NEK6: variants seen among roughly 807,000 people sequenced by gnomAD.
NEK6 encodes the protein NIMA related kinase 6.
In NEK6, 27 loss-of-function variants were observed where a neutral mutation model predicts 43.5. That is an observed-to-expected ratio of 0.62 (90% CI 0.46 to 0.86). The LOEUF is 0.86. Ranked by LOEUF, NEK6 falls within the 40% of genes least tolerant of loss-of-function variation. NEK6 has a pLI of 0.00. For missense variants in NEK6, 318 were observed against 414.4 expected, an observed-to-expected ratio of 0.77 and a Z score of 2.02; for synonymous variants, 167 against 164.1, an observed-to-expected ratio of 1.02 and a Z score of -0.14.
chr9:124,296,986 A>C (rs1310085875), intron 1 of NEK6, among the ~76,000 whole-genome samples: 1 of 152,220 alleles, frequency 6.6e-6, no homozygotes, highest in Non-Finnish European at 1.5e-5. Flanking sequence ...GTCACAGCCC[A>C]CATTAGTGAG....
chr9:124,260,779 T>C (rs997332594), intron 1 of NEK6, among the ~76,000 whole-genome samples: 5 of 152,166 alleles, frequency 3.3e-5, no homozygotes, highest in Admixed American at 1.3e-4. Flanking sequence ...AACACTAAGA[T>C]GGAAGCTGTC....
chr9:124,335,102 CATT>C (rs1187097397), intron 7 of NEK6, among the ~76,000 whole-genome samples: 5 of 152,216 alleles, frequency 3.3e-5, no homozygotes, highest in Non-Finnish European at 1.5e-5. Context: ...AGCCCTACAT[CATT>C]GTCCAACCTG....
intron 4 of NEK6, among the ~76,000 whole-genome samples, chr9:124,314,472 AGTGGTG>A (rs764779237): frequency 2.8e-5 from 4 of 144,534 alleles, no homozygotes; most frequent in African/African-American, 7.7e-5. Context: ...TTTTGTTGGT[AGTGGTG>A]GTGGTGGTGG....
chr9:124,318,805 G>A (rs1013979430), intron 4 of NEK6, among the ~76,000 whole-genome samples: 2 of 151,880 alleles, frequency 1.3e-5, no homozygotes, highest in Non-Finnish European at 2.9e-5. Flanking sequence ...CTGAGTAGCT[G>A]GGATTACAGG....
chr9:124,264,437 G>A (rs991329181), intron 1 of NEK6, among the ~76,000 whole-genome samples: 8 of 152,274 alleles, frequency 5.3e-5, no homozygotes, highest in African/African-American at 1.9e-4. Flanking sequence ...GGCACCCTTG[G>A]GGGTGATCTG....
chr9:124,335,209 A>C (rs1338247352), intron 7 of NEK6, among the ~76,000 whole-genome samples: 1 of 151,980 alleles, frequency 6.6e-6, no homozygotes. Context: ...GTTTCATCCC[A>C]TGGTTGGCTA....
intron 1 of NEK6, among the ~76,000 whole-genome samples, chr9:124,276,047 G>A (rs1017330847): frequency 2.0e-5 from 3 of 152,134 alleles, no homozygotes; most frequent in African/African-American, 4.8e-5. Context: ...AGTGTGGCCC[G>A]TGGAGGCTGG....
At chr9:124,319,539 T>C (rs1833968976) in intron 4 of NEK6, among the ~76,000 whole-genome samples, 1 of 152,258 alleles carries the variant, frequency 6.6e-6, no homozygotes, top group African/African-American at 2.4e-5. Flanking sequence ...AGGCTAACGC[T>C]GAGAAAGGTA....
chr9:124,306,725 C>T (rs1442470676), intron 2 of NEK6, among the ~76,000 whole-genome samples: 5 of 152,204 alleles, frequency 3.3e-5, no homozygotes, highest in Admixed American at 3.3e-4. Flanking sequence ...TTAGGCAGAT[C>T]GTGAGGAGCT....
chr9:124,286,519 A>G (rs1162173140), intron 1 of NEK6: 1 of 152,200 alleles, frequency 6.6e-6, no homozygotes, highest in East Asian at 1.9e-4. Flanking sequence ...AAATCTGGTG[A>G]CGCATCCTTC....
intron 8 of NEK6, among the ~76,000 whole-genome samples, chr9:124,344,352 C>T (rs1829806274): frequency 6.6e-6 from 1 of 152,260 alleles, no homozygotes; most frequent in African/African-American, 2.4e-5. Flanking sequence ...CCCTCTCTCA[C>T]ACTTGGGCAT....
intron 4 of NEK6, 148 bp downstream of exon 4, chr9:124,314,133 G>A (rs1031448121): frequency 2.5e-5 from 18 of 721,654 alleles, no homozygotes; most frequent in South Asian, 1.0e-4. Context: ...TAGGGGCAGC[G>A]GCTAGTGAGT....
In NEK6 at chr9:124,302,044, C is replaced by T. The variant is rs910941666; in HGVS notation, c.80C>T (p.Pro27Leu). ...LCHTLGPVHP[P>L]DPQRHPNTLS... The stretch of plus-strand genomic sequence containing the variant: ...CACACCCTGGGGCCTGTGCATCCTC[C>T]TGACCCACAGGTAAGCCCCTTACCT... The change falls in exon 2 of 10, where the codon CCT (proline) becomes CTT (leucine). Residue 27 changes from proline to leucine, a missense_variant. By Grantham distance (98) the Pro-to-Leu change is moderately conservative. Around this residue, in one of 2 missense-constraint regions of NEK6, gnomAD observed 239 missense variants for 344.4 expected, o/e 0.69. Coordinates refer to ENST00000320246, the MANE Select transcript of NEK6 (RefSeq NM_014397.6). 1.9e-5 allele frequency: 30 copies of T among 1,602,590 alleles called. No homozygotes were observed. The highest frequency in any genetic ancestry group is 1.6e-4 in the Middle Eastern group (1 of 6,064).
At position 124,326,202 on chromosome 9, in the gene NEK6, T is replaced by TCCCCA; in HGVS notation, c.406-124_406-123insACCCC. 8.1e-6 allele frequency: 1 copy of TCCCCA among 124,052 alleles called. No homozygotes were observed. Among genetic ancestry groups the TCCCCA allele is most frequent in the Non-Finnish European group, 2.0e-5 (1 of 50,618 alleles). 7.7% of individuals were successfully genotyped at this position (124,052 alleles called of 1,614,324 possible). On this transcript the variant is annotated intron_variant, in intron 5 of 9. Coordinates refer to ENST00000320246, the MANE Select transcript of NEK6 (RefSeq NM_014397.6). The surrounding 1 kb of genome is among the most constrained non-coding windows in gnomAD (Gnocchi z 4.5). ...GCTTATTGTTTGCTCAGTGGCTCAA[T>TCCCCA]CCCCCCCCCCCGCCCCTGCCAGGCA...
At chr9:124,319,413 C>T (rs1479153726) in intron 4 of NEK6, among the ~76,000 whole-genome samples, 1 of 152,066 alleles carries the variant, frequency 6.6e-6, no homozygotes, top group African/African-American at 2.4e-5. Context: ...TGTCTGTTTA[C>T]TCTGTTGATC....
chr9:124,313,934 G>C lies in NEK6; in HGVS notation c.243G>C (p.Met81Ile). ...VALKKVQIFE[M>I]MDAKARQDCV... ...TCCTCCCGCCCAAGATCTTTGAGAT[G>C]ATGGACGCCAAGGCGAGGCAGGACT... Residue 81 changes from methionine to isoleucine, a missense_variant, in exon 4 of 10, where the codon ATG (methionine) becomes ATC (isoleucine). Met to Ile is a conservative substitution (Grantham distance 10, BLOSUM62 1). This residue lies in a region of NEK6 where 239 missense variants were observed against 344.4 expected (regional missense o/e 0.69). Transcript: ENST00000320246. 6.2e-7 allele frequency: 1 copy of C among 1,614,242 alleles called. No homozygotes were observed. The highest frequency in any genetic ancestry group is 8.5e-7 in the Non-Finnish European group (1 of 1,180,032).
At chr9:124,312,368 G>A in intron 2 of NEK6, 141 bp from the exon 3 acceptor site, 1 of 1,020,334 alleles carries the variant, frequency 9.8e-7, no homozygotes, top group Non-Finnish European at 1.4e-6. Context: ...GGGGTGCCTG[G>A]GAGGCTCCCA....
chr9:124,284,946 G>A (rs912221799), intron 1 of NEK6, among the ~76,000 whole-genome samples: 21 of 152,250 alleles, frequency 1.4e-4, no homozygotes, highest in African/African-American at 4.8e-4. Flanking sequence ...CTCATGGGGT[G>A]AGCCAGTGGA....
chr9:124,312,614 C>A lies in NEK6; in HGVS notation c.196C>A (p.Leu66Met), dbSNP rs1265646448. 1 of 1,613,960 alleles carries A rather than the reference C, an allele frequency of 6.2e-7. No individual in the cohort carries two copies. Among genetic ancestry groups the A allele is most frequent in the Admixed American group, 1.7e-5 (1 of 60,014 alleles). ...CGAGGTGTACAAGGCCACCTGCCTG[C>A]TGGACAGGAAGACAGTGGCTCTGAA... ...FSEVYKATCL[L>M]DRKTVALKKV... Residue 66 changes from leucine to methionine, a missense_variant, in exon 3 of 10, where the codon CTG becomes ATG. Transcript: ENST00000320246.
Sources: allele counts gnomAD v4.1 joint callset (sites outside exome capture counted in the v4.1 genomes callset), GRCh38; gene constraint gnomAD v4.1.1; regional missense constraint gnomAD v4.1.1; non-coding constraint Gnocchi (gnomAD v3.1); transcripts MANE v1.5; gene names NCBI Gene and HGNC (gene_info 2026-07-23, HGNC 2026-07-21).